CSMD1: variants seen among roughly 807,000 people sequenced by gnomAD.
CSMD1 encodes CUB and Sushi multiple domains 1, also known as CUB and sushi domain-containing protein 1.
Under a neutral mutation model 417.5 loss-of-function variants are expected in CSMD1, and 213 were observed. The ratio of observed to expected loss-of-function variants is 0.51; its 90% CI spans 0.46 to 0.57. The LOEUF is 0.57. CSMD1 is among the 20% of genes least tolerant of loss of function. The pLI, the probability that CSMD1 is intolerant of heterozygous loss-of-function variation, is 0.00. For synonymous variants in CSMD1, 2,862 were observed against 1,736.8 expected (o/e 1.65, Z -16.11); for missense variants, 6,923 against 4,529.7 (o/e 1.53, Z -15.17).
intron 3 of CSMD1, among the ~76,000 whole-genome samples, chr8:4,119,025 A>T (rs993851602): frequency 3.9e-5 from 6 of 152,158 alleles, no homozygotes; most frequent in African/African-American, 1.4e-4. Flanking sequence ...CTCACTCATA[A>T]GTGGGAGTTG....
At position 3,824,980 on chromosome 8, in the gene CSMD1, CATATTTTTAAAATTTTTAA is replaced by C. The variant is rs1801970581; in HGVS notation, c.819-70957_819-70939del. Among the ~76,000 whole-genome samples the C allele has an allele frequency of 2.6e-5, 4 of 152,092 alleles. No individual in the cohort carries two copies. In the South Asian group the frequency reaches 8.3e-4, roughly 32 times the overall value. On this transcript the variant is annotated intron_variant, in intron 5 of 69. Transcript: ENST00000635120. ...TTTAACTGTTGTTTAATAATAAACA[CATATTTTTAAAATTTTTAA>C]ATATGAAATGTGGCAGGAAATGCTA...
chr8:4,620,861 TA>T (rs1395120105), intron 2 of CSMD1, among the ~76,000 whole-genome samples: 1 of 150,746 alleles, frequency 6.6e-6, no homozygotes, highest in Non-Finnish European at 1.5e-5. Flanking sequence ...AAACCCAAAA[TA>T]AATAGAAGAG....
chr8:4,166,345 T>G (rs1304599545), intron 3 of CSMD1, among the ~76,000 whole-genome samples: 1 of 152,222 alleles, frequency 6.6e-6, no homozygotes, highest in Non-Finnish European at 1.5e-5. Context: ...CCATACGTAT[T>G]ATACACCTAC....
Position 3,190,075 on chromosome 8 carries a change from G to T in CSMD1, c.5235C>A (p.Pro1745=). 1 of 1,595,240 alleles carries T rather than the reference G, an allele frequency of 6.3e-7. No individual in the cohort carries two copies. The highest frequency in any genetic ancestry group is 2.3e-5 in the East Asian group (1 of 44,096). The change falls in exon 34 of 70, where the codon CCC becomes CCA. Residue 1745 remains proline, a synonymous_variant. Transcript: ENST00000635120. ...RTSDTQCSSV[P]EPRYGRRIGS... The stretch of plus-strand genomic sequence containing the variant: ...CAATTCTCCTTCCGTATCTGGGCTC[G>T]GGGACAGAGCTGCATTGGGTGTCAC...
chr8:3,297,310 A>G (rs1246697462), intron 25 of CSMD1, among the ~76,000 whole-genome samples: 3 of 152,186 alleles, frequency 2.0e-5, no homozygotes, highest in Non-Finnish European at 4.4e-5. Flanking sequence ...TCTTTTGTAA[A>G]AAATTAAGAG....
At chr8:3,759,410 G>C (rs569775989) in intron 5 of CSMD1, among the ~76,000 whole-genome samples, 2 of 152,160 alleles carry the variant, frequency 1.3e-5, no homozygotes, top group Non-Finnish European at 2.9e-5. Flanking sequence ...AAAACAACCA[G>C]TGACTGAAGA....
chr8:4,131,167 G>T (rs17069103), intron 3 of CSMD1, among the ~76,000 whole-genome samples: 2 of 152,070 alleles, frequency 1.3e-5, no homozygotes, highest in African/African-American at 4.8e-5. Context: ...ACAAAAGACT[G>T]AGAGTAGTAC....
intron 3 of CSMD1, among the ~76,000 whole-genome samples, chr8:4,175,976 T>C (rs903320996): frequency 6.6e-6 from 1 of 152,128 alleles, no homozygotes; most frequent in Non-Finnish European, 1.5e-5. Flanking sequence ...GCTTCTCTCA[T>C]TGTATTCTCT....
intron 46 of CSMD1, among the ~76,000 whole-genome samples, chr8:3,098,014 C>T (rs1322953593): frequency 1.3e-5 from 2 of 152,182 alleles, no homozygotes; most frequent in African/African-American, 4.8e-5. Context: ...AACATAAAAA[C>T]AATCTGCAGA....
intron 5 of CSMD1, among the ~76,000 whole-genome samples, chr8:3,803,465 GTTA>G (rs1399666319): frequency 6.6e-6 from 1 of 152,166 alleles, no homozygotes; most frequent in Non-Finnish European, 1.5e-5. Context: ...TAAACCCCAA[GTTA>G]TTACTGCTTC....
At chr8:3,889,452 CATATATATATATATATAT>C (rs1171842639) in intron 5 of CSMD1, among the ~76,000 whole-genome samples, 8 of 45,402 alleles carry the variant, frequency 1.8e-4, no homozygotes, top group East Asian at 6.3e-4. Context: ...CTGATCTTTC[CATATATATATATATATAT>C]ATATATATAT....
In CSMD1 at chr8:3,399,517, C is replaced by G; in HGVS notation, c.2279G>C (p.Gly760Ala). The change falls in exon 16 of 70, where the codon GGA becomes GCA. Residue 760 changes from glycine to alanine, a missense_variant. By Grantham distance (60) the Gly-to-Ala change is moderately conservative (BLOSUM62 0). Transcript: ENST00000635120. Reference sequence around the variant, plus strand: ...GACTCCGCTGGACGCTGTCAGATGTCCACCACATGGAGCTAAAACAAGACG... The same window carrying G: ...GACTCCGCTGGACGCTGTCAGATGTGCACCACATGGAGCTAAAACAAGACG... ...TVPRCEAPCG[G>A]HLTASSGVIL... 1.3e-6 allele frequency: 2 copies of G among 1,596,028 alleles called. No individual in the cohort carries two copies. Among genetic ancestry groups the G allele is most frequent in the Non-Finnish European group, 1.7e-6 (2 of 1,172,296 alleles).
At chr8:4,536,225 T>G (rs374302940) in intron 2 of CSMD1, among the ~76,000 whole-genome samples, 1 of 152,296 alleles carries the variant, frequency 6.6e-6, no homozygotes, top group African/African-American at 2.4e-5. Flanking sequence ...CATTTTAACC[T>G]ATTCATAATT....
At chr8:4,302,082 C>A (rs111381228) in intron 3 of CSMD1, among the ~76,000 whole-genome samples, 10 of 152,244 alleles carry the variant, frequency 6.6e-5, no homozygotes, top group African/African-American at 2.4e-4. Flanking sequence ...TTTATGAAGA[C>A]CCCTTGTATA....
At chr8:3,999,629 A>G (rs554625448) in intron 4 of CSMD1, among the ~76,000 whole-genome samples, 8 of 152,244 alleles carry the variant, frequency 5.3e-5, no homozygotes, top group African/African-American at 1.9e-4. Flanking sequence ...CGGAGTTTGG[A>G]GTATTGCATT....
chr8:3,434,298 C>A (rs1026949599), intron 12 of CSMD1, among the ~76,000 whole-genome samples: 2 of 152,128 alleles, frequency 1.3e-5, no homozygotes, highest in African/African-American at 4.8e-5. Context: ...ATCTCTAATG[C>A]AAAACTCATC....
intron 4 of CSMD1, among the ~76,000 whole-genome samples, chr8:4,017,889 T>A (rs892233389): frequency 6.6e-6 from 1 of 152,172 alleles, no homozygotes; most frequent in Non-Finnish European, 1.5e-5. Flanking sequence ...CCAAAGGACT[T>A]AGGCTAATCA....
chr8:4,648,168 G>T (rs187608444), intron 1 of CSMD1, among the ~76,000 whole-genome samples: 2 of 152,324 alleles, frequency 1.3e-5, no homozygotes, highest in East Asian at 3.9e-4. Context: ...GATTATCAGT[G>T]ATGTTGAGCT....
intron 3 of CSMD1, among the ~76,000 whole-genome samples, chr8:4,313,352 A>ACC (rs1285497990): frequency 2.1e-4 from 29 of 135,192 alleles, no homozygotes; most frequent in African/African-American, 9.1e-4. Flanking sequence ...GGGGTAGCAG[A>ACC]CCATCATTGT....
Sources: allele counts gnomAD v4.1 joint callset (sites outside exome capture counted in the v4.1 genomes callset), GRCh38; gene constraint gnomAD v4.1.1; transcripts MANE v1.5; gene names NCBI Gene and HGNC (gene_info 2026-07-23, HGNC 2026-07-21).